SGSM3: variants seen among roughly 807,000 people sequenced by gnomAD.
The protein encoded by SGSM3 is small G protein signaling modulator 3, also known as RUN and SH3 containing 3.
Under a neutral mutation model 100.5 loss-of-function variants are expected in SGSM3, and 96 were observed. That is an observed-to-expected ratio of 0.96 (90% confidence interval 0.81 to 1.13). SGSM3 has a LOEUF of 1.13. SGSM3 is among the 50% of genes most tolerant of loss of function. SGSM3 has a pLI of 0.00. For missense variants in SGSM3, 1,001 were observed against 1,015.8 expected, an observed-to-expected ratio of 0.99 and a Z score of 0.20; for synonymous variants, 483 against 422.8, an observed-to-expected ratio of 1.14 and a Z score of -1.75.
At chr22:40,382,306 A>C (rs2047698619) in intron 1 of SGSM3, among the ~76,000 whole-genome samples, 1 of 152,140 alleles carries the variant, frequency 6.6e-6, no homozygotes, top group African/African-American at 2.4e-5. Flanking sequence ...AACAATAATC[A>C]TTTTATTACT....
rs200572815 is a variant in SGSM3 at position 40,408,344 on chromosome 22, C to T, written c.1697C>T (p.Pro566Leu). The part of the protein sequence containing the change: ...VTDLVRGTLC[P>L]ALKALFEHGL... ...GACCTCGTGCGAGGGACCCTCTGCC[C>T]GGCCCTTAAGGCCCTGTTCGAACAT... is the stretch of plus-strand genomic sequence containing the variant. The change falls in exon 16 of 22, where the codon CCG becomes CTG. Residue 566 changes from proline to leucine, a missense_variant. Coordinates refer to ENST00000248929, the MANE Select transcript of SGSM3 (RefSeq NM_015705.6). 45 of 1,613,540 alleles carry T rather than the reference C, an allele frequency of 2.8e-5. No homozygotes were observed. The highest frequency in any genetic ancestry group is 1.6e-4 in the Middle Eastern group (1 of 6,062).
chr22:40,378,049 CT>C (rs1311451814), intron 1 of SGSM3: 2 of 152,144 alleles, frequency 1.3e-5, no homozygotes, highest in Non-Finnish European at 2.9e-5. Context: ...AGGTGACAGA[CT>C]GTCTTGGTAT....
At chr22:40,388,628 G>T (rs2048844482) in intron 1 of SGSM3, among the ~76,000 whole-genome samples, 1 of 152,316 alleles carries the variant, frequency 6.6e-6, no homozygotes, top group Non-Finnish European at 1.5e-5. Flanking sequence ...TGGCTGCAGG[G>T]TAGAGAGTGG....
intron 1 of SGSM3, among the ~76,000 whole-genome samples, chr22:40,374,126 GT>G (rs1247073766): frequency 6.6e-6 from 1 of 151,580 alleles, no homozygotes; most frequent in African/African-American, 2.4e-5. Context: ...CTAATTTTTT[GT>G]ATTTTTTTTA....
intron 1 of SGSM3, among the ~76,000 whole-genome samples, chr22:40,377,876 A>T (rs2046906729): frequency 6.6e-6 from 1 of 151,818 alleles, no homozygotes; most frequent in African/African-American, 2.4e-5. Flanking sequence ...TAAAATAATC[A>T]GCTAACTTTA....
At chr22:40,381,227 A>G (rs2047517319) in intron 1 of SGSM3, among the ~76,000 whole-genome samples, 1 of 151,552 alleles carries the variant, frequency 6.6e-6, no homozygotes, top group Non-Finnish European at 1.5e-5. Context: ...GGCTCATTGC[A>G]ACCTCCACCT....
chr22:40,406,294 C>G, intron 9 of SGSM3, 71 bp downstream of exon 9: 1 of 1,591,406 alleles, frequency 6.3e-7, no homozygotes, highest in Non-Finnish European at 8.6e-7. Flanking sequence ...AAGAGACCTC[C>G]CTGGGCCAGG....
chr22:40,384,538 TGGAAG>T lies in SGSM3; in HGVS notation c.-112+13852_-112+13856del, dbSNP rs538474568. ...GCTCACGCCTGTAATCCCAGCACTT[TGGAAG>T]GCCAAGGTGGGCGGATCACGAGGTC... is the stretch of plus-strand genomic sequence containing the variant. On this transcript the variant is annotated intron_variant, in intron 1 of 21. Transcript: ENST00000248929. Among the ~76,000 whole-genome samples the T allele has an allele frequency of 7.9e-5, 12 of 152,322 alleles. No homozygotes were observed. In the South Asian group the frequency reaches 2.5e-3, roughly 32 times the overall value.
In SGSM3 at chr22:40,404,248, A is replaced by T. The variant is rs1476783206; in HGVS notation, c.159A>T (p.Glu53Asp). The change falls in exon 5 of 22, where the codon GAA (glutamate) becomes GAT (aspartate). Residue 53 changes from glutamate (E) to aspartate (D), a missense_variant and splice_region_variant. Glu to Asp is a conservative substitution (Grantham distance 45). Coordinates refer to ENST00000248929, the MANE Select transcript of SGSM3 (RefSeq NM_015705.6). Reference sequence around the variant, plus strand: ...TCCTCCTTGGCTCTCTCTTGGCAGAAGGTGATGAGCCTGGCTCCAGTCTGC... The same window carrying T: ...TCCTCCTTGGCTCTCTCTTGGCAGATGGTGATGAGCCTGGCTCCAGTCTGC... ...DEFGFRVYKE[E>D]GDEPGSSLLA... 6.6e-7 allele frequency: 1 copy of T among 1,510,230 alleles called. No homozygotes were observed. The allele number at this position is 1,510,230 out of a possible 1,614,324, so 93.6% of individuals were successfully genotyped here.
At chr22:40,399,436 G>T (rs2050448755) in intron 1 of SGSM3, among the ~76,000 whole-genome samples, 1 of 152,220 alleles carries the variant, frequency 6.6e-6, no homozygotes. Flanking sequence ...TCCATTCCCA[G>T]GGCCATCTAG....
rs777532445 is a variant in SGSM3, at chr22:40,407,311, C to T, written c.1351C>T (p.Pro451Ser). 6.8e-6 allele frequency: 11 copies of T among 1,613,448 alleles called. No individual in the cohort carries two copies. In the African/African-American group the frequency reaches 9.3e-5, roughly 14 times the overall value. ...RVARHFQCTDPKNCSVELTPD... is the reference protein window; with the variant it reads ...RVARHFQCTDSKNCSVELTPD... ...GGCACGCCACTTCCAGTGCACAGAC[C>T]CCAAAAACTGCAGCGTGGTGAGTCG... Residue 451 changes from proline to serine, a missense_variant, in exon 12 of 22, where the codon CCC (proline) becomes TCC (serine). Coordinates refer to ENST00000248929, the MANE Select transcript of SGSM3 (RefSeq NM_015705.6). The surrounding 1 kb of genome is among the most constrained non-coding windows in gnomAD (Gnocchi z 4.7).
At chr22:40,404,509 C>T (rs1027080940) in intron 5 of SGSM3, 48 bp from the exon 6 acceptor site, 10 of 1,609,504 alleles carry the variant, frequency 6.2e-6, no homozygotes, top group Non-Finnish European at 7.6e-6. Flanking sequence ...GCCCCATGAT[C>T]AGGTGTCACG....
At position 40,406,962 on chromosome 22, in the gene SGSM3, T is replaced by G. The variant is rs1201776755; in HGVS notation, c.1186-55T>G. On this transcript the variant is annotated intron_variant, in intron 10 of 21. Transcript: ENST00000248929. Reference sequence around the variant, plus strand: ...TGAGACAGTATAAGCCAAGGGCTGGTGGGTTCTCTTCCTCCCGGGGCCAGG... The same window carrying G: ...TGAGACAGTATAAGCCAAGGGCTGGGGGGTTCTCTTCCTCCCGGGGCCAGG... 2.0e-5 allele frequency: 31 copies of G among 1,517,530 alleles called. No homozygotes were observed. In the Admixed American group the frequency reaches 5.9e-4, roughly 29 times the overall value. 94.0% of individuals were successfully genotyped at this position (1,517,530 alleles called of 1,614,324 possible). A position where few individuals can be genotyped will look rare whatever the true frequency, so the allele number is the denominator to read the frequency against.
intron 1 of SGSM3, among the ~76,000 whole-genome samples, chr22:40,385,550 AAG>A (rs1214897018): frequency 2.6e-5 from 4 of 152,222 alleles, no homozygotes; most frequent in Non-Finnish European, 5.9e-5. Context: ...GGCGGGCAGA[AAG>A]AGCAAACAGG....
In SGSM3 at chr22:40,404,296, G is replaced by C. The variant is rs2051146682; in HGVS notation, c.207G>C (p.Glu69Asp). The C allele has an allele frequency of 6.5e-7, 1 of 1,547,390 alleles. No individual in the cohort carries two copies. Among genetic ancestry groups the C allele is most frequent in the Non-Finnish European group, 8.7e-7 (1 of 1,146,204 alleles). Residue 69 changes from glutamate to aspartate, a missense_variant, in exon 5 of 22, where the codon GAG (glutamate) becomes GAC (aspartate). By Grantham distance (45) the Glu-to-Asp change is conservative. Transcript: ENST00000248929. ...TGCTGGCGAACTCCCCTCTGATGGA[G>C]GATGCTCCACAGAGGCTGCGGTGGC... ...SSLLANSPLM[E>D]DAPQRLRWQA...
chr22:40,373,739 C>T (rs559930933), intron 1 of SGSM3, among the ~76,000 whole-genome samples: 129 of 151,944 alleles, frequency 8.5e-4, no homozygotes, highest in African/African-American at 3.0e-3. Flanking sequence ...CCTCAGCCTC[C>T]CGAGTAGCTG....
chr22:40,392,168 T>G (rs904956386), intron 1 of SGSM3, among the ~76,000 whole-genome samples: 1 of 151,966 alleles, frequency 6.6e-6, no homozygotes. Flanking sequence ...TTAAAAACAA[T>G]CAACCAAAAC....
Position 40,407,236 on chromosome 22 carries a change from A to G in SGSM3, c.1276A>G (p.Ile426Val), listed in dbSNP as rs1229809100. The G allele has an allele frequency of 6.2e-7, 1 of 1,613,672 alleles. No individual in the cohort carries two copies. Among genetic ancestry groups the G allele is most frequent in the East Asian group, 2.2e-5 (1 of 44,860 alleles). ...DDLEALKAKNIKQTELVADLR... is the reference protein window; with the variant it reads ...DDLEALKAKNVKQTELVADLR... ...CCTGGAGGCACTCAAGGCCAAGAAC[A>G]TCAAGCAGACGGAACTGGTGGCTGA... is the stretch of plus-strand genomic sequence containing the variant. The change falls in exon 12 of 22, where the codon ATC (isoleucine) becomes GTC (valine). Residue 426 changes from isoleucine to valine, a missense_variant. Ile to Val is a conservative substitution (Grantham distance 29). Transcript: ENST00000248929. This position sits in a 1 kb window ranked among gnomAD's most constrained non-coding sequence, Gnocchi z 4.7.
At chr22:40,378,202 G>A (rs1658445185) in intron 1 of SGSM3, 1 of 151,872 alleles carries the variant, frequency 6.6e-6, no homozygotes, top group Non-Finnish European at 1.5e-5. Flanking sequence ...GGCTGAGGCA[G>A]GATGATCGCT....
Sources: gnomAD v4.1 joint callset for allele counts (sites outside exome capture counted in the v4.1 genomes callset) on GRCh38, gnomAD v4.1.1 for gene constraint, Gnocchi (gnomAD v3.1) non-coding constraint, MANE v1.5 for transcripts, NCBI Gene and HGNC (gene_info 2026-07-23, HGNC 2026-07-21) for gene names.